CCDC150: variants seen among roughly 807,000 people sequenced by gnomAD.
The protein encoded by CCDC150 is coiled-coil domain-containing protein 150.
Under a neutral mutation model 156.5 loss-of-function variants are expected in CCDC150, and 151 were observed. The ratio of observed to expected loss-of-function variants is 0.97; its 90% confidence interval spans 0.85 to 1.10. CCDC150 has a LOEUF of 1.10. Among genes scored for constraint, CCDC150 ranks in the 50% least tolerant of loss-of-function variants. CCDC150 has a pLI of 0.00. For synonymous variants in CCDC150, 452 were observed against 429.4 expected (o/e 1.05, Z -0.65); for missense variants, 1,312 against 1,268.1 (o/e 1.03, Z -0.53).
intron 14 of CCDC150, among the ~76,000 whole-genome samples, chr2:196,695,425 G>A (rs181058517): frequency 2.8e-4 from 42 of 152,290 alleles, no homozygotes; most frequent in African/African-American, 9.4e-4. Context: ...TAAATTATGA[G>A]CAAGAAACTT....
intron 17 of CCDC150, chr2:196,713,504 T>C: frequency 6.4e-7 from 1 of 1,550,638 alleles, no homozygotes; most frequent in Non-Finnish European, 8.7e-7. Context: ...CCGTGTGAGC[T>C]TTGCACCTAA....
At chr2:196,681,427 T>C (rs561423603) in intron 13 of CCDC150, among the ~76,000 whole-genome samples, 70 of 152,358 alleles carry the variant, frequency 4.6e-4, no homozygotes, top group Non-Finnish European at 7.9e-4. Flanking sequence ...TTGTGACTAG[T>C]GCTGCTGTGA....
At chr2:196,719,707 T>C (rs770987972) in intron 19 of CCDC150, 41 bp downstream of exon 19, 10 of 1,518,716 alleles carry the variant, frequency 6.6e-6, no homozygotes, top group Admixed American at 1.9e-5. Flanking sequence ...TATTGCTGGA[T>C]TGTACTAAGG....
At chr2:196,688,909 A>G (rs1352958986) in intron 13 of CCDC150, among the ~76,000 whole-genome samples, 1 of 151,868 alleles carries the variant, frequency 6.6e-6, no homozygotes, top group Non-Finnish European at 1.5e-5. Flanking sequence ...TCCATCTTGA[A>G]TTAATTTTTG....
intron 5 of CCDC150, among the ~76,000 whole-genome samples, chr2:196,665,295 G>C (rs751170298): frequency 2.6e-5 from 4 of 152,178 alleles, no homozygotes; most frequent in Non-Finnish European, 5.9e-5. Context: ...TTTTCTGAGT[G>C]CTTCTTTCAA....
intron 14 of CCDC150, among the ~76,000 whole-genome samples, chr2:196,695,996 G>A (rs1435022226): frequency 6.6e-6 from 1 of 152,240 alleles, no homozygotes; most frequent in East Asian, 1.9e-4. Context: ...TTTAACCTGA[G>A]CTAAAGTCTT....
At chr2:196,726,558 T>C (rs1698220442) in intron 22 of CCDC150, 2 of 155,480 alleles carry the variant, frequency 1.3e-5, no homozygotes, top group East Asian at 1.9e-4. Context: ...CAGAGAACTT[T>C]CTTGGGTAGC....
At chr2:196,663,043 G>T (rs1468616888) in intron 5 of CCDC150, among the ~76,000 whole-genome samples, 2 of 152,088 alleles carry the variant, frequency 1.3e-5, no homozygotes, top group Non-Finnish European at 2.9e-5. Flanking sequence ...TTTGAGACCA[G>T]CCTTGGTAAC....
chr2:196,710,922 A>G (rs980259783), intron 15 of CCDC150, among the ~76,000 whole-genome samples: 1 of 152,068 alleles, frequency 6.6e-6, no homozygotes, highest in African/African-American at 2.4e-5. Context: ...TATGTCTGAA[A>G]GATTTCCAGC....
intron 13 of CCDC150, among the ~76,000 whole-genome samples, chr2:196,681,135 G>A (rs1694792506): frequency 6.6e-6 from 1 of 152,042 alleles, no homozygotes; most frequent in Admixed American, 6.6e-5. Context: ...CCCAGCCCCT[G>A]ACAACAACTA....
chr2:196,656,558 C>A, intron 2 of CCDC150, 75 bp from the exon 3 acceptor site: 2 of 996,998 alleles, frequency 2.0e-6, no homozygotes, highest in Non-Finnish European at 3.0e-6. Context: ...GGAAATGTTA[C>A]ATTGACTCAG....
rs745895649 is a variant in CCDC150, at chr2:196,657,052, G to GAGAGCTGTAAA, written c.497_507dup (p.Glu170LeufsTer2). The GAGAGCTGTAAA allele has an allele frequency of 1.2e-6, 2 of 1,613,816 alleles. No individual in the cohort carries two copies. Among genetic ancestry groups the GAGAGCTGTAAA allele is most frequent in the Non-Finnish European group, 1.7e-6 (2 of 1,179,772 alleles). On this transcript the variant is annotated frameshift_variant, in exon 4 of 28. Coordinates refer to ENST00000389175, the MANE Select transcript of CCDC150 (RefSeq NM_001080539.2). LOFTEE classifies it high-confidence loss of function. ...AAGTTATGAATTTGCGCCAGCAACTGAGAGCTGTAAAAGAGGAAGAAGACA... is the reference window on the plus strand; with the variant it reads ...AAGTTATGAATTTGCGCCAGCAACTGAGAGCTGTAAAAGAGCTGTAAAAGAGGAAGAAGACA...
At position 196,732,543 on chromosome 2, in the gene CCDC150, C is replaced by A; in HGVS notation, c.3287C>A (p.Ser1096Tyr). 3.7e-6 allele frequency: 6 copies of A among 1,610,960 alleles called. No individual in the cohort carries two copies. Among genetic ancestry groups the A allele is most frequent in the Non-Finnish European group, 5.1e-6 (6 of 1,177,228 alleles). The change falls in exon 28 of 28, where the codon TCT (serine) becomes TAT (tyrosine). Residue 1096 changes from serine (S) to tyrosine (Y), a missense_variant. By Grantham distance (144) the Ser-to-Tyr change is moderately radical. Transcript: ENST00000389175. The part of the protein sequence containing the change: ...NLRPMPKKYH[S>Y]EVQRK ...AGGCCCATGCCCAAGAAGTATCATT[C>A]TGAGGTACAGAGGAAGTGATGTCCT...
chr2:196,663,305 A>G (rs547689322), intron 5 of CCDC150, among the ~76,000 whole-genome samples: 1 of 152,336 alleles, frequency 6.6e-6, no homozygotes, highest in African/African-American at 2.4e-5. Flanking sequence ...AAAGATAAGT[A>G]TGACAGTTTA....
rs1281100745 is a variant in CCDC150, at chr2:196,685,605, TTTTTC to T, written c.1509+8254_1509+8258del. Among the ~76,000 whole-genome samples the T allele has an allele frequency of 4.2e-4, 64 of 152,184 alleles. 1 individual carries two copies. In the East Asian group the frequency reaches 0.01, roughly 24 times the overall value. On this transcript the variant is annotated intron_variant, in intron 13 of 27. Coordinates refer to ENST00000389175, the MANE Select transcript of CCDC150 (RefSeq NM_001080539.2). ...TAGAATTCATGGTTGAATGTTTTTC[TTTTTC>T]TTTTCTTTTTTTTTTTTCTGAGACA...
intron 12 of CCDC150, 52 bp downstream of exon 12, chr2:196,676,783 T>C (rs562063908): frequency 7.0e-7 from 1 of 1,438,572 alleles, no homozygotes; most frequent in Admixed American, 2.0e-5. Context: ...GATGATGTTT[T>C]AAAATTGCAT....
intron 13 of CCDC150, among the ~76,000 whole-genome samples, chr2:196,681,121 T>A (rs747094558): frequency 6.6e-5 from 10 of 152,192 alleles, no homozygotes; most frequent in Non-Finnish European, 1.5e-4. Flanking sequence ...CATTCCCTCC[T>A]TCTCCCAGCC....
intron 13 of CCDC150, among the ~76,000 whole-genome samples, chr2:196,681,000 T>C (rs566144227): frequency 6.6e-6 from 1 of 152,306 alleles, no homozygotes; most frequent in Admixed American, 6.5e-5. Flanking sequence ...AGTGAACAAT[T>C]CAGTGGTATT....
chr2:196,698,860 G>C (rs947452272), intron 14 of CCDC150, among the ~76,000 whole-genome samples: 2 of 152,036 alleles, frequency 1.3e-5, no homozygotes. Flanking sequence ...CCGGCAACAG[G>C]CCCCAGTGTG....
Sources: gnomAD v4.1 joint callset for allele counts (sites outside exome capture counted in the v4.1 genomes callset) on GRCh38, gnomAD v4.1.1 for gene constraint, MANE v1.5 for transcripts, NCBI Gene and HGNC (gene_info 2026-07-23, HGNC 2026-07-21) for gene names.